Variants in FBXW4 observed in about 807,000 individuals in gnomAD.
FBXW4 encodes F-box/WD repeat-containing protein 4.
A neutral mutation model predicts 61.8 loss-of-function variants in FBXW4; 40 were observed. The ratio of observed to expected loss-of-function variants is 0.65; its 90% CI spans 0.50 to 0.84. FBXW4 has a LOEUF of 0.84. Among genes scored for constraint, FBXW4 ranks in the 40% least tolerant of loss-of-function variants. The pLI, the probability that FBXW4 is intolerant of heterozygous loss-of-function variation, is 0.00. For synonymous variants in FBXW4, 311 were observed against 313.8 expected, an observed-to-expected ratio of 0.99 and a Z score of 0.10; for missense variants, 672 against 753.8, an observed-to-expected ratio of 0.89 and a Z score of 1.27.
intron 5 of FBXW4, chr10:101,625,491 C>T (rs140049705): frequency 3.3e-5 from 5 of 152,222 alleles, no homozygotes; most frequent in Non-Finnish European, 5.9e-5. Context: ...CAAACAACGC[C>T]GAGAGGCACA....
Position 101,685,854 on chromosome 10 carries a change from CA to C in FBXW4, c.725+8526del, listed in dbSNP as rs200907900. ...TAGGAACTGCTCAAGCAAGAGTTTC[CA>C]AAAACATGGTCCTCCCTTTGGCAAG... On this transcript the variant is annotated intron_variant, in intron 1 of 8. Coordinates refer to ENST00000331272, the MANE Select transcript of FBXW4 (RefSeq NM_022039.4). Among the ~76,000 whole-genome samples, 266 of 152,228 alleles carry C rather than the reference CA, an allele frequency of 1.7e-3. 7 individuals are homozygous for C. In the East Asian group the frequency reaches 0.044, roughly 25 times the overall value.
intron 1 of FBXW4, among the ~76,000 whole-genome samples, chr10:101,686,330 T>C (rs73351280): frequency 0.027 from 4,062 of 152,284 alleles, 196 homozygotes; most frequent in African/African-American, 0.09. Flanking sequence ...TAATCCCCAA[T>C]GGACATTGTG....
intron 5 of FBXW4, among the ~76,000 whole-genome samples, chr10:101,645,183 G>T (rs2064085522): frequency 6.6e-6 from 1 of 152,160 alleles, no homozygotes; most frequent in South Asian, 2.1e-4. Flanking sequence ...ACAAAGAAAA[G>T]GGTGGCTAGT....
Position 101,673,541 on chromosome 10 carries a change from A to G in FBXW4, c.954T>C (p.Asp318=). Residue 318 remains aspartate (D), a synonymous_variant, in exon 3 of 9, where the codon GAT becomes GAC. Transcript: ENST00000331272. The stretch of plus-strand genomic sequence containing the variant: ...CCAGCACAAAGTGGCAAACGTCCTC[A>G]TCATGCCCAGCAAAGACTCCCAGAG... ...RRPLGVFAGH[D]EDVCHFVLAN... 1.2e-6 allele frequency: 2 copies of G among 1,614,002 alleles called. No individual in the cohort carries two copies.
intron 6 of FBXW4, among the ~76,000 whole-genome samples, chr10:101,623,753 A>C (rs868827631): frequency 6.6e-5 from 10 of 152,368 alleles, no homozygotes; most frequent in Admixed American, 2.6e-4. Context: ...ATAAAGAGGA[A>C]TGCACTATTG....
chr10:101,666,673 A>G (rs1256698040), intron 5 of FBXW4, among the ~76,000 whole-genome samples: 6 of 152,184 alleles, frequency 3.9e-5, no homozygotes, highest in Admixed American at 3.3e-4. Context: ...AGGAGAGTCT[A>G]TGTACTCTGC....
At chr10:101,695,260 C>A (rs1225242966), upstream of FBXW4, 2 of 942,576 alleles carry the variant, frequency 2.1e-6, no homozygotes, top group Non-Finnish European at 1.3e-6. The surrounding 1 kb of genome is among the most constrained non-coding windows in gnomAD (Gnocchi z 4.2). Flanking sequence ...GGAGCCACTT[C>A]GGGGTGCGGG....
In FBXW4 at chr10:101,695,122, G is replaced by C. The variant is rs1303627118; in HGVS notation, c.-17C>G. 3 of 985,368 alleles carry C rather than the reference G, an allele frequency of 3.0e-6. No individual in the cohort carries two copies. The highest frequency in any genetic ancestry group is 3.6e-6 in the Non-Finnish European group (3 of 830,156). The allele number at this position is 985,368 out of a possible 1,614,324, so 61.0% of individuals were successfully genotyped here. Reference sequence around the variant, plus strand: ...GCTGCCCATGAGCGGCCGCGGGGCCGGCCCGACGCGGAGCCCAGCCCGAGC... The same window carrying C: ...GCTGCCCATGAGCGGCCGCGGGGCCCGCCCGACGCGGAGCCCAGCCCGAGC... On this transcript the variant is annotated 5_prime_UTR_variant, in exon 1 of 9. Coordinates refer to ENST00000331272, the MANE Select transcript of FBXW4 (RefSeq NM_022039.4). The surrounding 1 kb of genome is among the most constrained non-coding windows in gnomAD (Gnocchi z 4.2).
intron 1 of FBXW4, among the ~76,000 whole-genome samples, chr10:101,679,798 T>C (rs2064452966): frequency 1.3e-5 from 2 of 152,320 alleles, no homozygotes; most frequent in South Asian, 2.1e-4. Context: ...GGATGAATTG[T>C]ACAATGATGA....
At chr10:101,623,259 A>G (rs2063882161) in intron 6 of FBXW4, among the ~76,000 whole-genome samples, 2 of 152,138 alleles carry the variant, frequency 1.3e-5, no homozygotes, top group Admixed American at 6.5e-5. Context: ...AAAACACACA[A>G]AAAATTAGCT....
chr10:101,677,430 C>T (rs147293065), intron 1 of FBXW4, among the ~76,000 whole-genome samples: 142 of 152,076 alleles, frequency 9.3e-4, no homozygotes, highest in African/African-American at 3.3e-3. Flanking sequence ...CAAAAGAAAT[C>T]GTAGTGTATG....
At chr10:101,651,536 A>G (rs2064146045) in intron 5 of FBXW4, among the ~76,000 whole-genome samples, 1 of 152,100 alleles carries the variant, frequency 6.6e-6, no homozygotes, top group South Asian at 2.1e-4. Context: ...TGAAACCAGG[A>G]GGCAGCAGCT....
chr10:101,622,291 AC>A (rs2063872731), intron 6 of FBXW4, among the ~76,000 whole-genome samples: 1 of 152,232 alleles, frequency 6.6e-6, no homozygotes, highest in African/African-American at 2.4e-5. Flanking sequence ...CATTTAAGAC[AC>A]AGACCACATG....
chr10:101,639,262 C>G (rs577995051), intron 5 of FBXW4, among the ~76,000 whole-genome samples: 2 of 152,314 alleles, frequency 1.3e-5, no homozygotes, highest in Non-Finnish European at 2.9e-5. Context: ...CAGGTTCTTT[C>G]TCTGTGCATG....
chr10:101,625,927 G>A (rs2063904041), intron 5 of FBXW4: 1 of 152,298 alleles, frequency 6.6e-6, no homozygotes, highest in Non-Finnish European at 1.5e-5. Context: ...GCATGTCAGT[G>A]AGGAGATGGA....
chr10:101,640,484 C>CTCTTT (rs2064041670), intron 5 of FBXW4, among the ~76,000 whole-genome samples: 1 of 83,874 alleles, frequency 1.2e-5, no homozygotes, highest in Non-Finnish European at 2.0e-5. Flanking sequence ...CTTTCTTTCT[C>CTCTTT]TTTTTTTTTT....
At chr10:101,628,079 A>G in intron 5 of FBXW4, 1 of 551,758 alleles carries the variant, frequency 1.8e-6, no homozygotes, top group Non-Finnish European at 2.3e-6. Flanking sequence ...AAGGCTCTCA[A>G]TAAATACTTG....
intron 5 of FBXW4, among the ~76,000 whole-genome samples, chr10:101,630,211 G>A (rs1451205570): frequency 1.3e-5 from 2 of 152,246 alleles, no homozygotes; most frequent in African/African-American, 2.4e-5. Context: ...AAAGGCAGCC[G>A]AGGAAGGCTT....
At chr10:101,664,743 T>C (rs905921789) in intron 5 of FBXW4, among the ~76,000 whole-genome samples, 10 of 152,222 alleles carry the variant, frequency 6.6e-5, no homozygotes, top group African/African-American at 2.4e-4. Flanking sequence ...TGGTTGACAT[T>C]ACATTATAGC....
Sources: gnomAD v4.1 joint callset for allele counts (sites outside exome capture counted in the v4.1 genomes callset) on GRCh38, gnomAD v4.1.1 for gene constraint, Gnocchi (gnomAD v3.1) non-coding constraint, MANE v1.5 for transcripts, NCBI Gene and HGNC (gene_info 2026-07-23, HGNC 2026-07-21) for gene names.